The following RABEP1 variants were observed in gnomAD, a reference collection of about 807,000 sequenced individuals.
RABEP1 encodes the protein rabaptin, RAB GTPase binding effector protein 1.
RABEP1 carries 51 observed loss-of-function variants against 123.4 expected under a neutral mutation model. The ratio of observed to expected loss-of-function variants is 0.41; its 90% CI spans 0.33 to 0.52. The LOEUF is 0.52. Among genes scored for constraint, RABEP1 ranks in the 20% least tolerant of loss-of-function variants. The pLI, the probability that RABEP1 is intolerant of heterozygous loss-of-function variation, is 0.16. For synonymous variants in RABEP1, 347 were observed against 355.2 expected (o/e 0.98, Z 0.26); for missense variants, 888 against 996.3 (o/e 0.89, Z 1.46).
intron 11 of RABEP1, among the ~76,000 whole-genome samples, chr17:5,367,340 T>A (rs193057857): frequency 2.6e-5 from 4 of 151,548 alleles, no homozygotes; most frequent in African/African-American, 9.7e-5. Context: ...GGCACGATCT[T>A]GGCTCACTGC....
intron 13 of RABEP1, among the ~76,000 whole-genome samples, chr17:5,375,028 C>T (rs1019874420): frequency 2.0e-5 from 3 of 151,588 alleles, no homozygotes; most frequent in African/African-American, 7.3e-5. Context: ...TAGCCTGCTT[C>T]GGCCTCCCAA....
intron 2 of RABEP1, among the ~76,000 whole-genome samples, chr17:5,320,436 A>AAG (rs1555520162): frequency 6.7e-5 from 10 of 148,790 alleles, no homozygotes; most frequent in Non-Finnish European, 1.3e-4. Context: ...AAAAAAAAAA[A>AAG]AAAAAAAAGA....
rs970535269 is a variant in RABEP1, at chr17:5,384,480, C to T, written c.*1257C>T. 4.6e-6 allele frequency: 1 copy of T among 216,446 alleles called. No homozygotes were observed. Among genetic ancestry groups the T allele is most frequent in the Non-Finnish European group, 9.3e-6 (1 of 107,628 alleles). 13.4% of individuals were successfully genotyped at this position (216,446 alleles called of 1,614,324 possible). ...ATCATTTTTGAGACTGGTTGCATAA[C>T]AGCAGGGTACCTGAAAGAGCCTTCT... On this transcript the variant is annotated 3_prime_UTR_variant, in exon 18 of 18. Transcript: ENST00000537505.
At chr17:5,383,005 C>T (rs1465255094) in intron 17 of RABEP1, 117 bp from the exon 18 acceptor site, 1 of 764,524 alleles carries the variant, frequency 1.3e-6, no homozygotes, top group Non-Finnish European at 2.3e-6. Flanking sequence ...CTTGCTGTCT[C>T]CCTTTGAAGT....
At chr17:5,381,666 G>T in intron 17 of RABEP1, 161 bp downstream of exon 17, 3 of 1,285,866 alleles carry the variant, frequency 2.3e-6, no homozygotes, top group East Asian at 2.7e-5. Flanking sequence ...CCAGAAACCT[G>T]GTGTGTTCTT....
intron 1 of RABEP1, among the ~76,000 whole-genome samples, chr17:5,292,148 C>G (rs764637483): frequency 6.6e-6 from 1 of 152,086 alleles, no homozygotes; most frequent in Non-Finnish European, 1.5e-5. Context: ...TTAGTGCTGA[C>G]GATGTCTGTT....
At position 5,373,340 on chromosome 17, in the gene RABEP1, G is replaced by T. The variant is rs746922781; in HGVS notation, c.1911G>T (p.Gln637His). ...CGGTGCTGATGCAGTCACGGGAACA[G>T]GTTTCAGAAGAGCTGGTGAGGTTAC... is the stretch of plus-strand genomic sequence containing the variant. The part of the protein sequence containing the change: ...QMAVLMQSRE[Q>H]VSEELVRLQK... Residue 637 changes from glutamine to histidine, a missense_variant, in exon 13 of 18, where the codon CAG becomes CAT. Transcript: ENST00000537505. The T allele has an allele frequency of 6.2e-7, 1 of 1,613,146 alleles. No homozygotes were observed. Among genetic ancestry groups the T allele is most frequent in the Non-Finnish European group, 8.5e-7 (1 of 1,179,852 alleles).
intron 1 of RABEP1, among the ~76,000 whole-genome samples, chr17:5,288,803 A>G (rs1459608996): frequency 6.6e-6 from 1 of 152,298 alleles, no homozygotes; most frequent in East Asian, 1.9e-4. Context: ...TCCCAGGTTC[A>G]GGCGATTCTC....
At position 5,383,119 on chromosome 17, in the gene RABEP1, C is replaced by T. The variant is rs1490716183; in HGVS notation, c.2488-3C>T. On this transcript the variant is annotated splice_region_variant and splice_polypyrimidine_tract_variant and intron_variant, in intron 17 of 17. Coordinates refer to ENST00000537505, the MANE Select transcript of RABEP1 (RefSeq NM_004703.6). Reference sequence around the variant, plus strand: ...TGTAGTTATCTCACCATTGTTTCTCCAGGTGCAGTTAGAGCGGATCCGGCA... The same window carrying T: ...TGTAGTTATCTCACCATTGTTTCTCTAGGTGCAGTTAGAGCGGATCCGGCA... 11 of 1,613,548 alleles carry T rather than the reference C, an allele frequency of 6.8e-6. No homozygotes were observed. The highest frequency in any genetic ancestry group is 1.3e-5 in the African/African-American group (1 of 74,886).
intron 6 of RABEP1, among the ~76,000 whole-genome samples, chr17:5,347,279 G>A (rs1289996288): frequency 6.6e-6 from 1 of 152,132 alleles, no homozygotes; most frequent in Non-Finnish European, 1.5e-5. Context: ...GTGTGGTGAT[G>A]CGCACCTGTT....
chr17:5,385,289 AG>A lies in RABEP1; in HGVS notation c.*2068del. 1 of 229,412 alleles carries A rather than the reference AG, an allele frequency of 4.4e-6. No individual in the cohort carries two copies. Among genetic ancestry groups the A allele is most frequent in the East Asian group, 6.2e-5 (1 of 16,228 alleles). The allele number at this position is 229,412 out of a possible 1,614,324, so 14.2% of individuals were successfully genotyped here. A position where few individuals can be genotyped will look rare whatever the true frequency, so the allele number is the denominator to read the frequency against. ...ATAAATGGGAACTGATGTAGAAGGC[AG>A]GATTTAGCCCTTCTAGGCAAAAGAA... On this transcript the variant is annotated 3_prime_UTR_variant, in exon 18 of 18. Coordinates refer to ENST00000537505, the MANE Select transcript of RABEP1 (RefSeq NM_004703.6).
At chr17:5,334,850 GAAC>G in intron 3 of RABEP1, among the ~76,000 whole-genome samples, 1 of 152,162 alleles carries the variant, frequency 6.6e-6, no homozygotes, top group East Asian at 1.9e-4. Context: ...TAGTGTCTAA[GAAC>G]ATAGATTTTG....
chr17:5,367,020 C>T (rs544905147), intron 11 of RABEP1, among the ~76,000 whole-genome samples: 35 of 150,324 alleles, frequency 2.3e-4, no homozygotes, highest in African/African-American at 4.4e-4. Flanking sequence ...ACCCGGGAGG[C>T]GGAGGTTGCA....
chr17:5,384,621 C>T lies in RABEP1; in HGVS notation c.*1398C>T, dbSNP rs1911789287. The stretch of plus-strand genomic sequence containing the variant: ...GGACTTACCCTAAAGATCTTCTGTA[C>T]TTCTGTCTTCCATAGGACAAATGAT... On this transcript the variant is annotated 3_prime_UTR_variant, in exon 18 of 18. Coordinates refer to ENST00000537505, the MANE Select transcript of RABEP1 (RefSeq NM_004703.6). 9.3e-6 allele frequency: 2 copies of T among 214,606 alleles called. No individual in the cohort carries two copies. The highest frequency in any genetic ancestry group is 1.4e-4 in the East Asian group (2 of 14,122). 13.3% of individuals were successfully genotyped at this position (214,606 alleles called of 1,614,324 possible).
At chr17:5,365,018 A>G (rs772010746) in intron 10 of RABEP1, 104 bp from the exon 11 acceptor site, 32 of 708,478 alleles carry the variant, frequency 4.5e-5, no homozygotes, top group Non-Finnish European at 7.5e-5. Context: ...GTTTCCCAGA[A>G]AAAGACATAA....
In RABEP1 at chr17:5,282,434, C is replaced by T; in HGVS notation, c.-53C>T. The T allele has an allele frequency of 2.3e-6, 3 of 1,302,760 alleles. No homozygotes were observed. Among genetic ancestry groups the T allele is most frequent in the Non-Finnish European group, 3.0e-6 (3 of 998,148 alleles). The allele number at this position is 1,302,760 out of a possible 1,614,324, so 80.7% of individuals were successfully genotyped here. The stretch of plus-strand genomic sequence containing the variant: ...CTCCGCCAGCTGAGCCCGCGGGAGC[C>T]CAGGACGCCGCTTCCCCGCCCATCC... On this transcript the variant is annotated 5_prime_UTR_variant, in exon 1 of 18. Coordinates refer to ENST00000537505, the MANE Select transcript of RABEP1 (RefSeq NM_004703.6).
intron 10 of RABEP1, chr17:5,364,404 C>CACTT (rs1317103618): frequency 6.6e-6 from 1 of 152,226 alleles, no homozygotes; most frequent in African/African-American, 2.4e-5. Context: ...ATGAAGACAT[C>CACTT]ACTTAGGGAG....
chr17:5,358,508 A>T (rs1280391430), intron 8 of RABEP1, among the ~76,000 whole-genome samples: 1 of 152,020 alleles, frequency 6.6e-6, no homozygotes, highest in Non-Finnish European at 1.5e-5. Flanking sequence ...CATCCCTACT[A>T]AAAATACAAA....
rs190739860 is a variant in RABEP1, at chr17:5,314,172, A to G, written c.163+5350A>G. 4.0e-5 allele frequency among the ~76,000 whole-genome samples: 6 copies of G among 151,110 alleles called. No individual in the cohort carries two copies. The East Asian group carries it at 1.2e-3, about 29-fold the overall frequency. ...GAGAATAGCTGAAATATAAGTGCAA[A>G]TGGTAATGAGAAATGCACCTTTTTA... On this transcript the variant is annotated intron_variant, in intron 2 of 17. Coordinates refer to ENST00000537505, the MANE Select transcript of RABEP1 (RefSeq NM_004703.6).
Sources: allele counts gnomAD v4.1 joint callset (sites outside exome capture counted in the v4.1 genomes callset), GRCh38; gene constraint gnomAD v4.1.1; transcripts MANE v1.5; gene names NCBI Gene and HGNC (gene_info 2026-07-23, HGNC 2026-07-21).